MEGF10: variants seen among roughly 807,000 people sequenced by gnomAD.
MEGF10 encodes the protein multiple EGF like domains 10.
Under a neutral mutation model 147.5 loss-of-function variants are expected in MEGF10, and 86 were observed. The observed-to-expected ratio is 0.58, with a 90% CI of 0.49 to 0.70. The LOEUF (loss-of-function observed/expected upper bound fraction) is 0.70, where lower values mean the gene tolerates loss of function less well. Ranked by LOEUF, MEGF10 falls within the 30% of genes least tolerant of loss-of-function variation. MEGF10 has a pLI of 0.00. For synonymous variants in MEGF10, 478 were observed against 525.5 expected (o/e 0.91, Z 1.24); for missense variants, 1,329 against 1,487.3 (o/e 0.89, Z 1.75).
At chr5:127,244,446 A>C in the MEGF10 span, among the ~76,000 whole-genome samples, 1 of 152,076 alleles carries the variant, frequency 6.6e-6, no homozygotes, top group African/African-American at 2.4e-5. Context: ...GATGAATGAA[A>C]GCAATAGCCA....
At chr5:127,386,204 A>G (rs1763429186) in intron 5 of MEGF10, among the ~76,000 whole-genome samples, 1 of 152,208 alleles carries the variant, frequency 6.6e-6, no homozygotes, top group African/African-American at 2.4e-5. Flanking sequence ...AGAACTGGGC[A>G]TTTCTGTTGC....
chr5:127,376,546 A>G (rs1763035193), intron 5 of MEGF10, among the ~76,000 whole-genome samples: 1 of 152,170 alleles, frequency 6.6e-6, no homozygotes, highest in African/African-American at 2.4e-5. Context: ...AATGGGATGG[A>G]GAATCTGAGG....
intron 2 of MEGF10, among the ~76,000 whole-genome samples, chr5:127,335,690 G>T (rs772321569): frequency 2.0e-5 from 3 of 151,954 alleles, no homozygotes. Context: ...AGTTAAAAAA[G>T]AATGTTTTAG....
Position 127,339,122 on chromosome 5 carries a change from A to G in MEGF10, c.119A>G (p.Tyr40Cys). 1.3e-6 allele frequency: 2 copies of G among 1,585,898 alleles called. No individual in the cohort carries two copies. The highest frequency in any genetic ancestry group is 1.7e-6 in the Non-Finnish European group (2 of 1,158,992). Residue 40 changes from tyrosine (Y) to cysteine (C), a missense_variant and splice_region_variant, in exon 3 of 25, where the codon TAC becomes TGC. By Grantham distance (194) the Tyr-to-Cys change is radical. Coordinates refer to ENST00000503335, the MANE Select transcript of MEGF10 (RefSeq NM_001256545.2). ...DPNVCSHWES[Y>C]SVTVQESYPH... ...CTTATTTTTCCATTTCTTTTCAGCT[A>G]CTCAGTGACTGTGCAAGAGTCATAC...
chr5:127,242,712 C>T, the MEGF10 span, among the ~76,000 whole-genome samples: 7 of 151,766 alleles, frequency 4.6e-5, no homozygotes, highest in African/African-American at 1.5e-4. Context: ...TAAGGTAAAA[C>T]GTTTGAAATG....
chr5:127,311,215 C>G (rs1282073821), intron 1 of MEGF10, among the ~76,000 whole-genome samples: 2 of 152,134 alleles, frequency 1.3e-5, no homozygotes, highest in Non-Finnish European at 2.9e-5. Context: ...ACAAAAATCA[C>G]CATTTAATAG....
chr5:127,296,084 C>A (rs1275767667), intron 1 of MEGF10, among the ~76,000 whole-genome samples: 1 of 152,164 alleles, frequency 6.6e-6, no homozygotes. Flanking sequence ...CATGATCATT[C>A]TAACTCTTTT....
intron 1 of MEGF10, among the ~76,000 whole-genome samples, chr5:127,302,904 G>T (rs751031045): frequency 2.6e-5 from 4 of 152,184 alleles, no homozygotes; most frequent in Non-Finnish European, 4.4e-5. Context: ...GACATTGAAA[G>T]ATTTGTGAGC....
intron 11 of MEGF10, 67 bp from the exon 12 acceptor site, chr5:127,419,977 G>C: frequency 1.3e-6 from 2 of 1,555,698 alleles, no homozygotes; most frequent in South Asian, 2.4e-5. Flanking sequence ...AACGTGGTTT[G>C]GAAAGGCTCA....
At chr5:127,337,451 C>T (rs763084082) in intron 2 of MEGF10, among the ~76,000 whole-genome samples, 32 of 151,950 alleles carry the variant, frequency 2.1e-4, no homozygotes, top group Non-Finnish European at 4.1e-4. Context: ...TTTAATTTCA[C>T]AGGATGAAAA....
the MEGF10 span, among the ~76,000 whole-genome samples, chr5:127,267,431 C>T: frequency 3.4e-3 from 513 of 152,250 alleles, 1 homozygote; most frequent in Non-Finnish European, 6.1e-3. Flanking sequence ...ATGATGCTGG[C>T]CTCATAAAAT....
chr5:127,447,790 C>T, intron 21 of MEGF10, 106 bp downstream of exon 21: 1 of 1,354,904 alleles, frequency 7.4e-7, no homozygotes. Flanking sequence ...AGGTACTTTA[C>T]ATATATTATC....
chr5:127,305,659 G>A (rs545652617), intron 1 of MEGF10, among the ~76,000 whole-genome samples: 1 of 152,262 alleles, frequency 6.6e-6, no homozygotes, highest in East Asian at 1.9e-4. Flanking sequence ...GTGATGTGGA[G>A]CTCTGCCAAG....
the MEGF10 span, among the ~76,000 whole-genome samples, chr5:127,246,843 T>C: frequency 6.9e-6 from 1 of 143,932 alleles, no homozygotes; most frequent in Non-Finnish European, 1.5e-5. Context: ...TTACATATAA[T>C]TTATAAATGT....
At chr5:127,282,349 A>G in the MEGF10 span, among the ~76,000 whole-genome samples, 1 of 152,168 alleles carries the variant, frequency 6.6e-6, no homozygotes, top group Non-Finnish European at 1.5e-5. Context: ...TAGCTGCAGC[A>G]GTGGTTTCTG....
intron 12 of MEGF10, among the ~76,000 whole-genome samples, chr5:127,420,903 G>A (rs1178009720): frequency 6.6e-6 from 1 of 152,108 alleles, no homozygotes; most frequent in Non-Finnish European, 1.5e-5. Flanking sequence ...TCTCTCTGTG[G>A]TGTGTGTTCT....
chr5:127,381,174 G>A (rs1434096724), intron 5 of MEGF10, among the ~76,000 whole-genome samples: 1 of 152,172 alleles, frequency 6.6e-6, no homozygotes, highest in Non-Finnish European at 1.5e-5. Context: ...TGTTAAATTT[G>A]TACCCAAATG....
chr5:127,245,416 T>C, the MEGF10 span, among the ~76,000 whole-genome samples: 2 of 152,102 alleles, frequency 1.3e-5, no homozygotes, highest in East Asian at 3.8e-4. Context: ...TGCAGAAAAC[T>C]GAAACTAGAC....
chr5:127,357,577 G>C (rs1285970063), intron 4 of MEGF10, among the ~76,000 whole-genome samples: 1 of 135,694 alleles, frequency 7.4e-6, no homozygotes, highest in Non-Finnish European at 1.6e-5. Context: ...GACAGAACAA[G>C]ACCCTGCCTC....
Sources: gnomAD v4.1 joint callset for allele counts (sites outside exome capture counted in the v4.1 genomes callset) on GRCh38, gnomAD v4.1.1 for gene constraint, MANE v1.5 for transcripts, NCBI Gene and HGNC (gene_info 2026-07-23, HGNC 2026-07-21) for gene names.